The following SLC24A3 variants were observed in gnomAD, a reference collection of about 807,000 sequenced individuals.
SLC24A3 encodes the protein solute carrier family 24 member 3.
In SLC24A3, 28 loss-of-function variants were observed where a neutral mutation model predicts 75.8. That is an observed-to-expected ratio of 0.37 (90% confidence interval 0.27 to 0.51). The LOEUF (loss-of-function observed/expected upper bound fraction) is 0.51, where lower values mean the gene tolerates loss of function less well. Ranked by LOEUF, SLC24A3 falls within the 20% of genes least tolerant of loss-of-function variation. The probability of loss-of-function intolerance (pLI) is 0.94; values close to 1 mark genes in which losing one functional copy is unlikely to be tolerated. For synonymous variants in SLC24A3, 372 were observed against 334.1 expected, an observed-to-expected ratio of 1.11 and a Z score of -1.24; for missense variants, 663 against 847.8, an observed-to-expected ratio of 0.78 and a Z score of 2.71.
intron 3 of SLC24A3, among the ~76,000 whole-genome samples, chr20:19,530,214 G>A (rs2030272013): frequency 6.6e-6 from 1 of 152,186 alleles, no homozygotes; most frequent in Non-Finnish European, 1.5e-5. Context: ...GGGGTCTCCT[G>A]CACTGTAAGA....
chr20:19,642,098 T>G (rs2032081883), intron 6 of SLC24A3, among the ~76,000 whole-genome samples: 1 of 152,238 alleles, frequency 6.6e-6, no homozygotes, highest in Non-Finnish European at 1.5e-5. Context: ...TGTAAAGTGC[T>G]GAGCACAGTG....
intron 6 of SLC24A3, among the ~76,000 whole-genome samples, chr20:19,587,163 A>G (rs1184841633): frequency 6.6e-6 from 1 of 152,212 alleles, no homozygotes; most frequent in African/African-American, 2.4e-5. Flanking sequence ...TAGTGTTGTC[A>G]TTAGTTCATT....
At chr20:19,626,444 T>C (rs903363128) in intron 6 of SLC24A3, among the ~76,000 whole-genome samples, 1 of 152,212 alleles carries the variant, frequency 6.6e-6, no homozygotes, top group African/African-American at 2.4e-5. Flanking sequence ...TTGTACATTG[T>C]TATTGAAGGT....
At chr20:19,223,505 C>T (rs553877711) in intron 1 of SLC24A3, among the ~76,000 whole-genome samples, 3 of 152,158 alleles carry the variant, frequency 2.0e-5, no homozygotes, top group South Asian at 2.1e-4. Context: ...AGTGAATGCC[C>T]GAAACCATGG....
At chr20:19,608,703 G>A (rs541554236) in intron 6 of SLC24A3, among the ~76,000 whole-genome samples, 4 of 152,246 alleles carry the variant, frequency 2.6e-5, no homozygotes, top group East Asian at 1.9e-4. Context: ...GAGGTTCTTC[G>A]TTGATCTAAG....
chr20:19,404,788 G>A (rs763256604), intron 2 of SLC24A3, among the ~76,000 whole-genome samples: 1 of 152,104 alleles, frequency 6.6e-6, no homozygotes, highest in Non-Finnish European at 1.5e-5. Context: ...ATGGCTGAAG[G>A]ACTGAAGGGG....
intron 2 of SLC24A3, among the ~76,000 whole-genome samples, chr20:19,382,143 T>C (rs1986193075): frequency 6.6e-6 from 1 of 152,228 alleles, no homozygotes; most frequent in Non-Finnish European, 1.5e-5. Context: ...GATAAACATG[T>C]CACCAATTTG....
chr20:19,348,889 A>T (rs1278882685), intron 2 of SLC24A3, among the ~76,000 whole-genome samples: 1 of 151,966 alleles, frequency 6.6e-6, no homozygotes, highest in Admixed American at 6.6e-5. Flanking sequence ...CTTCTTATAT[A>T]TCACCAGAGA....
At chr20:19,606,730 T>C (rs1200318784) in intron 6 of SLC24A3, among the ~76,000 whole-genome samples, 1 of 152,206 alleles carries the variant, frequency 6.6e-6, no homozygotes, top group Non-Finnish European at 1.5e-5. Flanking sequence ...CAGAGGAGAA[T>C]GCCCATGGCA....
chr20:19,672,586 C>G lies in SLC24A3; in HGVS notation c.714-1015C>G, dbSNP rs111524909. Among the ~76,000 whole-genome samples, 559 of 152,230 alleles carry G rather than the reference C, an allele frequency of 3.7e-3. 3 individuals carry two copies. The highest frequency in any genetic ancestry group is 0.012 in the African/African-American group (501 of 41,544). Reference sequence around the variant, plus strand: ...TTGGGGACATAAGTGATCCTTTCCTCTCGGCCTCCCAAAATGCTGGGATTA... The same window carrying G: ...TTGGGGACATAAGTGATCCTTTCCTGTCGGCCTCCCAAAATGCTGGGATTA... On this transcript the variant is annotated intron_variant, in intron 8 of 16. Coordinates refer to ENST00000328041, the MANE Select transcript of SLC24A3 (RefSeq NM_020689.4).
chr20:19,582,233 T>A (rs1430984072), intron 4 of SLC24A3, among the ~76,000 whole-genome samples: 1 of 152,248 alleles, frequency 6.6e-6, no homozygotes, highest in Non-Finnish European at 1.5e-5. Flanking sequence ...GGAGGGCCTC[T>A]CGGCCCTGGA....
rs115694232 is a variant in SLC24A3 at position 19,342,727 on chromosome 20, C to T, written c.271+61640C>T. On this transcript the variant is annotated intron_variant, in intron 2 of 16. Transcript: ENST00000328041. ...ATTCTTCCAGATGAAGGTGGCTTGA[C>T]GGAAGAGATAACGTCGAAGGTGGGT... 2.4e-3 allele frequency among the ~76,000 whole-genome samples: 366 copies of T among 152,210 alleles called. 2 individuals carry two copies. Among genetic ancestry groups the T allele is most frequent in the African/African-American group, 8.0e-3 (334 of 41,554 alleles).
At chr20:19,345,382 G>A (rs868624543) in intron 2 of SLC24A3, among the ~76,000 whole-genome samples, 2 of 152,116 alleles carry the variant, frequency 1.3e-5, no homozygotes, top group South Asian at 4.1e-4. Context: ...AATTTATTTT[G>A]TGGATATCCA....
intron 2 of SLC24A3, among the ~76,000 whole-genome samples, chr20:19,311,358 G>A (rs1028254517): frequency 4.6e-5 from 7 of 152,110 alleles, no homozygotes; most frequent in Admixed American, 1.3e-4. Context: ...ATCAGGATGA[G>A]GTCACTCAAC....
In SLC24A3 at chr20:19,522,038, A is replaced by G. The variant is rs147352662; in HGVS notation, c.348+6474A>G. Reference sequence around the variant, plus strand: ...ACCTTCCCCAGCTGTCCAGTAGTCTAAATCTGTGCTGTCTAACGTGGTAGC... The same window carrying G: ...ACCTTCCCCAGCTGTCCAGTAGTCTGAATCTGTGCTGTCTAACGTGGTAGC... On this transcript the variant is annotated intron_variant, in intron 3 of 16. Transcript: ENST00000328041. 3.4e-4 allele frequency among the ~76,000 whole-genome samples: 52 copies of G among 152,302 alleles called. No individual in the cohort carries two copies. In the East Asian group the frequency reaches 0.01, roughly 29 times the overall value.
chr20:19,571,129 T>C (rs929573576), intron 3 of SLC24A3, among the ~76,000 whole-genome samples: 6 of 151,648 alleles, frequency 4.0e-5, no homozygotes, highest in Non-Finnish European at 5.9e-5. Context: ...TTACAAGTCA[T>C]GTGGCCTGAG....
intron 1 of SLC24A3, among the ~76,000 whole-genome samples, chr20:19,235,476 G>A (rs996129998): frequency 6.6e-6 from 1 of 152,152 alleles, no homozygotes; most frequent in African/African-American, 2.4e-5. Flanking sequence ...TACACACCTA[G>A]GTTGAGTACC....
intron 1 of SLC24A3, among the ~76,000 whole-genome samples, chr20:19,263,289 G>C (rs910877993): frequency 1.7e-4 from 26 of 152,256 alleles, no homozygotes; most frequent in South Asian, 8.3e-4. Flanking sequence ...GCCACGCAAA[G>C]AGCAAACTGT....
At chr20:19,566,839 G>A (rs187004908) in intron 3 of SLC24A3, among the ~76,000 whole-genome samples, 10 of 152,086 alleles carry the variant, frequency 6.6e-5, no homozygotes, top group Non-Finnish European at 1.5e-4. Flanking sequence ...GCAGTGAGAG[G>A]GGATTTCACT....
Sources: allele counts gnomAD v4.1 joint callset (sites outside exome capture counted in the v4.1 genomes callset), GRCh38; gene constraint gnomAD v4.1.1; transcripts MANE v1.5; gene names NCBI Gene and HGNC (gene_info 2026-07-23, HGNC 2026-07-21).